IKZF2: variants seen among roughly 807,000 people sequenced by gnomAD.
The protein encoded by IKZF2 is zinc finger protein Helios.
In IKZF2, 15 loss-of-function variants were observed where a neutral mutation model predicts 49.2. The observed-to-expected ratio is 0.30, with a 90% CI of 0.20 to 0.47. IKZF2 has a LOEUF of 0.47. Ranked by LOEUF, IKZF2 falls within the 20% of genes least tolerant of loss-of-function variation. The pLI, the probability that IKZF2 is intolerant of heterozygous loss-of-function variation, is 1.00. For synonymous variants in IKZF2, 227 were observed against 221.4 expected (o/e 1.03, Z -0.23); for missense variants, 567 against 664.6 (o/e 0.85, Z 1.61).
At chr2:213,024,246 G>A (rs1252800431) in intron 6 of IKZF2, among the ~76,000 whole-genome samples, 4 of 152,224 alleles carry the variant, frequency 2.6e-5, no homozygotes, top group Admixed American at 2.6e-4. Context: ...TAGGTGACAT[G>A]TTGGATTTGG....
chr2:213,092,155 C>T (rs1017272655), intron 4 of IKZF2, among the ~76,000 whole-genome samples: 6 of 151,908 alleles, frequency 3.9e-5, no homozygotes, highest in Admixed American at 6.6e-5. Flanking sequence ...TCTCCTGAGT[C>T]GCTGGAACCA....
chr2:213,099,212 C>A (rs985072522), intron 4 of IKZF2, among the ~76,000 whole-genome samples: 1 of 152,016 alleles, frequency 6.6e-6, no homozygotes, highest in Non-Finnish European at 1.5e-5. Context: ...TCCCCCCATC[C>A]TCCTTTCTTT....
rs549956576 is a variant in IKZF2, at chr2:213,056,979, C to T, written c.260G>A (p.Ser87Asn). 16 of 1,613,908 alleles carry T rather than the reference C, an allele frequency of 9.9e-6. No individual in the cohort carries two copies. The East Asian group carries it at 1.6e-4, about 16-fold the overall frequency. Residue 87 changes from serine to asparagine, a missense_variant, in exon 5 of 9, where the codon AGC (serine) becomes AAC (asparagine). By Grantham distance (46) the Ser-to-Asn change is conservative. Transcript: ENST00000434687. ...GSSLEEPLIE[S>N]SEVADNRKVQ... ...TTTCCTGTTGTCAGCCACCTCGCTG[C>T]TCTCAATTAGGGGTTCTTCTAGGCT...
At chr2:213,113,818 T>C (rs1048282217) in intron 4 of IKZF2, among the ~76,000 whole-genome samples, 2 of 152,152 alleles carry the variant, frequency 1.3e-5, no homozygotes, top group Non-Finnish European at 2.9e-5. Context: ...TGGGATTATA[T>C]TCTTAAAGTT....
rs778238032 is a variant in IKZF2 at position 213,076,881 on chromosome 2, G to A, written c.140-19782C>T. On this transcript the variant is annotated intron_variant, in intron 4 of 8. Coordinates refer to ENST00000434687, the MANE Select transcript of IKZF2 (RefSeq NM_001387220.1). ...CGCGCCACTGCACTCCAGCCTGGGC[G>A]ACAAAGCCAGACTCCGTCTCCAAAA... Among the ~76,000 whole-genome samples, 12 of 152,086 alleles carry A rather than the reference G, an allele frequency of 7.9e-5. No individual in the cohort carries two copies. The South Asian group carries it at 8.3e-4, about 11-fold the overall frequency.
intron 7 of IKZF2, among the ~76,000 whole-genome samples, chr2:213,019,793 C>T (rs7569918): frequency 0.27 from 41,324 of 152,004 alleles, 6,121 homozygotes; most frequent in African/African-American, 0.35. Flanking sequence ...CCTGTGCCTA[C>T]GGAGGGCTAA....
chr2:213,018,299 TTAAA>T (rs1369820197), intron 7 of IKZF2, among the ~76,000 whole-genome samples: 4 of 152,086 alleles, frequency 2.6e-5, no homozygotes. Flanking sequence ...TCAAACCCAA[TTAAA>T]TAATTTAATT....
chr2:213,022,171 C>T, intron 6 of IKZF2, 41 bp from the exon 7 acceptor site: 1 of 1,499,960 alleles, frequency 6.7e-7, no homozygotes, highest in Non-Finnish European at 8.9e-7. Context: ...TTAGTCTCAT[C>T]AACATTCAAA....
intron 4 of IKZF2, among the ~76,000 whole-genome samples, chr2:213,107,409 T>C (rs968322139): frequency 3.3e-5 from 5 of 152,224 alleles, no homozygotes; most frequent in Admixed American, 6.5e-5. Flanking sequence ...ACAAATTGTA[T>C]AGCTCATTTT....
At chr2:213,022,207 A>T in intron 6 of IKZF2, 77 bp from the exon 7 acceptor site, 3 of 1,323,148 alleles carry the variant, frequency 2.3e-6, no homozygotes, top group Non-Finnish European at 3.0e-6. Flanking sequence ...AACTTTTGAT[A>T]GTCTGGAGGA....
chr2:213,136,659 T>C (rs1171562308), intron 4 of IKZF2, among the ~76,000 whole-genome samples: 2 of 152,132 alleles, frequency 1.3e-5, no homozygotes, highest in African/African-American at 4.8e-5. Context: ...GTTGACTGAA[T>C]TCATTGGTCT....
chr2:213,016,036 G>A (rs958841002), intron 7 of IKZF2, among the ~76,000 whole-genome samples: 2 of 152,064 alleles, frequency 1.3e-5, no homozygotes, highest in Non-Finnish European at 2.9e-5. Flanking sequence ...CATGTGAACT[G>A]AAAATGATGA....
chr2:213,043,623 G>A (rs918182145), intron 6 of IKZF2, among the ~76,000 whole-genome samples: 4 of 152,154 alleles, frequency 2.6e-5, no homozygotes, highest in African/African-American at 9.7e-5. Context: ...GACAGGTGGT[G>A]GGGGAATGAT....
At chr2:213,056,747 G>A (rs757679213) in intron 5 of IKZF2, 86 bp downstream of exon 5, 12 of 1,529,152 alleles carry the variant, frequency 7.8e-6, no homozygotes, top group Non-Finnish European at 1.1e-5. Flanking sequence ...TGCCACCCCT[G>A]AATAAAAAGG....
intron 4 of IKZF2, among the ~76,000 whole-genome samples, chr2:213,122,957 T>G (rs16849784): frequency 0.027 from 4,058 of 152,296 alleles, 90 homozygotes; most frequent in African/African-American, 0.064. Flanking sequence ...ATTGCTAAGG[T>G]GCACATATTG....
rs925396642 is a variant in IKZF2 at position 213,004,639 on chromosome 2, G to T, written c.*2721C>A. 1 of 151,864 alleles carries T rather than the reference G, an allele frequency of 6.6e-6. No individual in the cohort carries two copies. The highest frequency in any genetic ancestry group is 2.4e-5 in the African/African-American group (1 of 41,396). 9.4% of individuals were successfully genotyped at this position (151,864 alleles called of 1,614,324 possible). A position where few individuals can be genotyped will look rare whatever the true frequency, so the allele number is the denominator to read the frequency against. On this transcript the variant is annotated 3_prime_UTR_variant, in exon 9 of 9. Transcript: ENST00000434687. ...TTATTTTTAGATGCTACAACCTTGC[G>T]TATTTCCTTTTGAAGAAAAGGCATG...
chr2:213,043,370 C>T (rs1376889877), intron 6 of IKZF2, among the ~76,000 whole-genome samples: 1 of 152,078 alleles, frequency 6.6e-6, no homozygotes, highest in Admixed American at 6.5e-5. Flanking sequence ...ATTTTTAAGT[C>T]TACAATATAG....
chr2:213,020,854 T>G (rs1176020522), intron 7 of IKZF2, among the ~76,000 whole-genome samples: 3 of 152,182 alleles, frequency 2.0e-5, no homozygotes, highest in Non-Finnish European at 4.4e-5. Flanking sequence ...TATTTATATT[T>G]TAAAAGTGAC....
At chr2:213,029,538 T>G (rs996576973) in intron 6 of IKZF2, among the ~76,000 whole-genome samples, 1 of 152,042 alleles carries the variant, frequency 6.6e-6, no homozygotes, top group South Asian at 2.1e-4. Flanking sequence ...TCTTTTAATA[T>G]TGATTGATCT....
Sources: allele counts gnomAD v4.1 joint callset (sites outside exome capture counted in the v4.1 genomes callset), GRCh38; gene constraint gnomAD v4.1.1; transcripts MANE v1.5; gene names NCBI Gene and HGNC (gene_info 2026-07-23, HGNC 2026-07-21).